Variants in PCDHA12 observed in about 807,000 individuals in gnomAD.
PCDHA12 encodes the protein protocadherin alpha-12.
Under a neutral mutation model 60.0 loss-of-function variants are expected in PCDHA12, and 44 were observed. The ratio of observed to expected loss-of-function variants is 0.73; its 90% CI spans 0.58 to 0.94. The LOEUF (loss-of-function observed/expected upper bound fraction) is 0.94. Ranked by LOEUF, PCDHA12 falls within the 40% of genes least tolerant of loss-of-function variation. The pLI is 0.00. For missense variants in PCDHA12, 1,276 were observed against 1,239.7 expected (o/e 1.03, Z -0.44); for synonymous variants, 569 against 553.0 (o/e 1.03, Z -0.40).
chr5:141,010,188 T>G lies in PCDHA12; in HGVS notation c.*251T>G. 6.4e-7 allele frequency: 1 copy of G among 1,553,070 alleles called. No individual in the cohort carries two copies. On this transcript the variant is annotated 3_prime_UTR_variant, in exon 4 of 4. Coordinates refer to ENST00000398631, the MANE Select transcript of PCDHA12 (RefSeq NM_018903.4). ...CAGAACCTAAAAAGCAGACCCAAGT[T>G]TCCTTTCTCCTCCGCCGCAAAGGAG...
chr5:140,897,080 A>AT lies in PCDHA12; in HGVS notation c.2367+19247dup, dbSNP rs201233181. The stretch of plus-strand genomic sequence containing the variant: ...ATACTATGTCTTATTCATTTTTTCT[A>AT]TTTTTTATCCTCATTAAAAATCTCC... On this transcript the variant is annotated intron_variant, in intron 1 of 3. Transcript: ENST00000398631. 8.0e-3 allele frequency among the ~76,000 whole-genome samples: 1,212 copies of AT among 152,020 alleles called. 6 individuals carry two copies. Among genetic ancestry groups the AT allele is most frequent in the African/African-American group, 0.019 (783 of 41,452 alleles).
At chr5:140,925,994 G>C (rs1041576118) in intron 1 of PCDHA12, among the ~76,000 whole-genome samples, 1 of 152,138 alleles carries the variant, frequency 6.6e-6, no homozygotes, top group Non-Finnish European at 1.5e-5. Context: ...CGCTGGCTCC[G>C]CTGCCTCGAA....
chr5:140,889,037 A>G (rs2062077417), intron 1 of PCDHA12, among the ~76,000 whole-genome samples: 1 of 151,994 alleles, frequency 6.6e-6, no homozygotes, highest in Non-Finnish European at 1.5e-5. Context: ...CCGTAATTTG[A>G]TTATAATTTA....
intron 1 of PCDHA12, among the ~76,000 whole-genome samples, chr5:140,891,237 T>C (rs2063002731): frequency 6.6e-6 from 1 of 152,210 alleles, no homozygotes; most frequent in South Asian, 2.1e-4. Flanking sequence ...CTGTTCTGGA[T>C]TCAGTAGGAT....
At chr5:140,895,332 G>C (rs1021596445) in intron 1 of PCDHA12, among the ~76,000 whole-genome samples, 1 of 151,584 alleles carries the variant, frequency 6.6e-6, no homozygotes, top group South Asian at 2.1e-4. Context: ...TTCTCAAATT[G>C]TTTTACTATG....
At chr5:140,883,511 C>A in intron 1 of PCDHA12, 2 of 1,614,186 alleles carry the variant, frequency 1.2e-6, no homozygotes, top group Middle Eastern at 1.7e-4. Context: ...CGCCCTGGAC[C>A]GCGAGAGCGT....
intron 1 of PCDHA12, among the ~76,000 whole-genome samples, chr5:140,921,801 A>T (rs1450383901): frequency 6.6e-6 from 1 of 152,286 alleles, no homozygotes. Context: ...ATAACACAAG[A>T]TAAGATACAT....
At position 140,886,685 on chromosome 5, in the gene PCDHA12, G is replaced by A. The variant is rs1250817978; in HGVS notation, c.2367+8846G>A. On this transcript the variant is annotated intron_variant, in intron 1 of 3. Transcript: ENST00000398631. The stretch of plus-strand genomic sequence containing the variant: ...TACTAAAAATACAAAAATTAGCGAG[G>A]CATGGTGGCACGCGCCTGTAATCCC... Among the ~76,000 whole-genome samples the A allele has an allele frequency of 2.6e-5, 4 of 152,080 alleles. No homozygotes were observed. In the East Asian group the frequency reaches 7.8e-4, roughly 30 times the overall value.
chr5:140,951,144 T>C (rs1052192456), intron 1 of PCDHA12, among the ~76,000 whole-genome samples: 3 of 100,560 alleles, frequency 3.0e-5, no homozygotes, highest in Non-Finnish European at 6.0e-5. Context: ...CTTTATCTTA[T>C]TGAATATAGT....
intron 1 of PCDHA12, among the ~76,000 whole-genome samples, chr5:140,970,923 C>T (rs1009753173): frequency 1.3e-5 from 2 of 152,032 alleles, no homozygotes; most frequent in African/African-American, 4.8e-5. Flanking sequence ...ATCAGAAGTG[C>T]CTGGTGTTAG....
At chr5:141,002,948 C>A (rs2098104348) in intron 3 of PCDHA12, among the ~76,000 whole-genome samples, 1 of 152,152 alleles carries the variant, frequency 6.6e-6, no homozygotes, top group African/African-American at 2.4e-5. Flanking sequence ...CAGCACATGC[C>A]CCTCTGAGAG....
intron 1 of PCDHA12, among the ~76,000 whole-genome samples, chr5:140,962,185 C>T (rs782495435): frequency 6.6e-5 from 10 of 152,126 alleles, no homozygotes; most frequent in Non-Finnish European, 1.3e-4. Flanking sequence ...ACTTATATCA[C>T]TTTTATGCTT....
chr5:140,972,244 A>G (rs2096526797), intron 1 of PCDHA12, among the ~76,000 whole-genome samples: 1 of 151,646 alleles, frequency 6.6e-6, no homozygotes, highest in African/African-American at 2.4e-5. Context: ...GGCTCAAGCA[A>G]TCCTCACACA....
chr5:140,903,023 G>A (rs1554190732), intron 1 of PCDHA12, among the ~76,000 whole-genome samples: 1 of 152,126 alleles, frequency 6.6e-6, no homozygotes, highest in East Asian at 1.9e-4. Context: ...TATCAACATG[G>A]CTTGCACATG....
intron 1 of PCDHA12, chr5:140,883,195 T>A (rs781816525): frequency 6.2e-7 from 1 of 1,613,786 alleles, no homozygotes; most frequent in Non-Finnish European, 8.5e-7. Context: ...GCAAACTAGA[T>A]TTCGAAGAAA....
At chr5:140,952,351 AAAAG>A (rs1316352142) in intron 1 of PCDHA12, among the ~76,000 whole-genome samples, 25 of 120,612 alleles carry the variant, frequency 2.1e-4, no homozygotes, top group Non-Finnish European at 3.5e-4. Context: ...AAAAAAAAAA[AAAAG>A]AAAGAAAGAA....
intron 1 of PCDHA12, among the ~76,000 whole-genome samples, chr5:140,944,328 C>T (rs1478623361): frequency 1.3e-5 from 2 of 152,124 alleles, no homozygotes; most frequent in African/African-American, 4.8e-5. Context: ...GCTGGGATTA[C>T]AAGCACGTGC....
chr5:140,969,408 T>C (rs2096327357), intron 1 of PCDHA12: 6 of 1,573,824 alleles, frequency 3.8e-6, no homozygotes, highest in Non-Finnish European at 5.2e-6. Flanking sequence ...GATTTGGCTT[T>C]ATTGAGTCAT....
chr5:140,965,879 G>C (rs920261632), intron 1 of PCDHA12, among the ~76,000 whole-genome samples: 1 of 152,216 alleles, frequency 6.6e-6, no homozygotes, highest in Non-Finnish European at 1.5e-5. Flanking sequence ...ACTTGGCCGA[G>C]AGCAGAATTG....
Sources: allele counts gnomAD v4.1 joint callset (sites outside exome capture counted in the v4.1 genomes callset), GRCh38; gene constraint gnomAD v4.1.1; transcripts MANE v1.5; gene names NCBI Gene and HGNC (gene_info 2026-07-23, HGNC 2026-07-21).